RABGAP1L: variants seen among roughly 807,000 people sequenced by gnomAD.
RABGAP1L encodes the protein rab GTPase-activating protein 1-like.
In RABGAP1L, 63 loss-of-function variants were observed where a neutral mutation model predicts 137.7. The observed-to-expected ratio is 0.46, with a 90% confidence interval of 0.37 to 0.56. RABGAP1L has a LOEUF of 0.56. Among genes scored for constraint, RABGAP1L ranks in the 20% least tolerant of loss-of-function variants. The pLI is 0.00. For missense variants in RABGAP1L, 1,095 were observed against 1,244.0 expected, an observed-to-expected ratio of 0.88 and a Z score of 1.80; for synonymous variants, 431 against 433.7, an observed-to-expected ratio of 0.99 and a Z score of 0.08.
chr1:174,448,218 T>C lies in RABGAP1L; in HGVS notation c.1710+54073T>C. ...CCACTTGGATTTGGCCACTACAGTG[T>C]GGTGGATGTCTGCATCTTCGAGACA... On this transcript the variant is annotated intron_variant, in intron 13 of 25. Transcript: ENST00000681986. The surrounding 1 kb of genome is among the most constrained non-coding windows in gnomAD (Gnocchi z 4.2). 6.2e-7 allele frequency: 1 copy of C among 1,614,082 alleles called. No homozygotes were observed. Among genetic ancestry groups the C allele is most frequent in the Non-Finnish European group, 8.5e-7 (1 of 1,179,976 alleles).
intron 21 of RABGAP1L, among the ~76,000 whole-genome samples, chr1:174,972,959 G>T (rs751313663): frequency 8.6e-5 from 13 of 151,336 alleles, no homozygotes; most frequent in Non-Finnish European, 1.6e-4. Flanking sequence ...TAGAATTTGT[G>T]TTTAGCATTT....
At chr1:174,436,994 C>T (rs1294849071) in intron 13 of RABGAP1L, among the ~76,000 whole-genome samples, 1 of 152,246 alleles carries the variant, frequency 6.6e-6, no homozygotes, top group East Asian at 1.9e-4. Flanking sequence ...TCCAACAGAC[C>T]TGCAGCTGAG....
intron 17 of RABGAP1L, among the ~76,000 whole-genome samples, chr1:174,725,873 T>C (rs1428223846): frequency 6.6e-6 from 1 of 152,124 alleles, no homozygotes; most frequent in Non-Finnish European, 1.5e-5. Context: ...ATATACCTAA[T>C]GCTAAATGAC....
At chr1:174,277,117 C>T (rs1675066345) in intron 9 of RABGAP1L, among the ~76,000 whole-genome samples, 1 of 151,950 alleles carries the variant, frequency 6.6e-6, no homozygotes, top group Non-Finnish European at 1.5e-5. Context: ...GATAATTATT[C>T]TTTCATTTCC....
chr1:174,627,455 TA>T (rs1673009945), intron 13 of RABGAP1L, among the ~76,000 whole-genome samples: 1 of 152,232 alleles, frequency 6.6e-6, no homozygotes, highest in Admixed American at 6.5e-5. Context: ...TGTCAGTGTA[TA>T]TACGTTATAC....
chr1:174,632,877 CCTT>C (rs1254137474), intron 13 of RABGAP1L, among the ~76,000 whole-genome samples: 2 of 151,240 alleles, frequency 1.3e-5, no homozygotes, highest in East Asian at 1.9e-4. Context: ...TCGTCTGAAG[CCTT>C]CTTCTCTCAG....
chr1:174,782,812 G>A (rs1292443663), intron 18 of RABGAP1L, among the ~76,000 whole-genome samples: 2 of 152,178 alleles, frequency 1.3e-5, no homozygotes, highest in African/African-American at 2.4e-5. Context: ...CAATCAGGTA[G>A]TAAAGAGGGC....
chr1:174,598,904 C>G (rs1022958892), intron 13 of RABGAP1L, among the ~76,000 whole-genome samples: 3 of 151,990 alleles, frequency 2.0e-5, no homozygotes, highest in Non-Finnish European at 4.4e-5. Context: ...CACTTACATT[C>G]AATATTGTTA....
intron 17 of RABGAP1L, among the ~76,000 whole-genome samples, chr1:174,707,553 G>C (rs141601168): frequency 6.6e-6 from 1 of 152,262 alleles, no homozygotes; most frequent in Non-Finnish European, 1.5e-5. Context: ...CAAGTTACTT[G>C]ACCTATGTAA....
At chr1:174,967,111 T>C (rs540176968) in intron 20 of RABGAP1L, among the ~76,000 whole-genome samples, 29 of 151,870 alleles carry the variant, frequency 1.9e-4, no homozygotes, top group East Asian at 9.7e-4. Flanking sequence ...GGGGTTTTTT[T>C]CCCCCCTACA....
At chr1:174,272,328 A>T in intron 7 of RABGAP1L, 86 bp from the exon 8 acceptor site, 1 of 1,379,748 alleles carries the variant, frequency 7.2e-7, no homozygotes, top group Non-Finnish European at 9.8e-7. Context: ...CAGATTGTAT[A>T]GTTATTGTAA....
At chr1:174,445,669 G>A (rs1471738395) in intron 13 of RABGAP1L, among the ~76,000 whole-genome samples, 1 of 152,088 alleles carries the variant, frequency 6.6e-6, no homozygotes. Context: ...TATCACTTTA[G>A]TTCATGAAGA....
chr1:174,166,478 G>T (rs1043494167), intron 1 of RABGAP1L, among the ~76,000 whole-genome samples: 1 of 152,190 alleles, frequency 6.6e-6, no homozygotes, highest in Non-Finnish European at 1.5e-5. Context: ...CACTTGTAAG[G>T]AATTGATGGC....
intron 14 of RABGAP1L, among the ~76,000 whole-genome samples, chr1:174,668,480 A>G (rs1011925558): frequency 2.0e-5 from 3 of 152,090 alleles, no homozygotes; most frequent in East Asian, 3.9e-4. Context: ...TTGTATATAT[A>G]TACACCACAT....
intron 18 of RABGAP1L, among the ~76,000 whole-genome samples, chr1:174,805,969 C>G (rs979572500): frequency 2.8e-4 from 42 of 152,122 alleles, no homozygotes; most frequent in African/African-American, 9.7e-4. Flanking sequence ...TTTACTCTTC[C>G]CTCGCCATTG....
At chr1:174,732,239 C>T (rs1242939991) in intron 17 of RABGAP1L, among the ~76,000 whole-genome samples, 1 of 150,818 alleles carries the variant, frequency 6.6e-6, no homozygotes, top group Non-Finnish European at 1.5e-5. Context: ...TTGAAAGTAA[C>T]TCTACAGGTA....
intron 13 of RABGAP1L, among the ~76,000 whole-genome samples, chr1:174,511,420 TGA>T (rs1662325888): frequency 6.6e-6 from 1 of 151,644 alleles, no homozygotes. Flanking sequence ...CTAAGAAGCA[TGA>T]ATTTAGAACA....
chr1:174,369,472 C>T (rs1053119488), intron 11 of RABGAP1L, among the ~76,000 whole-genome samples: 2 of 152,216 alleles, frequency 1.3e-5, no homozygotes, highest in Admixed American at 1.3e-4. Context: ...GCCTGAGCCA[C>T]TGCACTTGAC....
chr1:174,357,994 C>T (rs1377971624), intron 11 of RABGAP1L, among the ~76,000 whole-genome samples: 1 of 152,192 alleles, frequency 6.6e-6, no homozygotes, highest in Admixed American at 6.5e-5. Context: ...TAGATACAGA[C>T]AACTGAAGCA....
Sources: allele counts gnomAD v4.1 joint callset (sites outside exome capture counted in the v4.1 genomes callset), GRCh38; gene constraint gnomAD v4.1.1; non-coding constraint Gnocchi (gnomAD v3.1); transcripts MANE v1.5; gene names NCBI Gene and HGNC (gene_info 2026-07-23, HGNC 2026-07-21).